PHACTR3: variants seen among roughly 807,000 people sequenced by gnomAD.
PHACTR3 encodes phosphatase and actin regulator 3.
A neutral mutation model predicts 66.8 loss-of-function variants in PHACTR3; 16 were observed. That is an observed-to-expected ratio of 0.24 (90% CI 0.16 to 0.36). The LOEUF (loss-of-function observed/expected upper bound fraction) is 0.36, where lower values mean the gene tolerates loss of function less well. Among genes scored for constraint, PHACTR3 ranks in the 10% least tolerant of loss-of-function variants. The pLI, the probability that PHACTR3 is intolerant of heterozygous loss-of-function variation, is 1.00. For synonymous variants in PHACTR3, 323 were observed against 292.1 expected, an observed-to-expected ratio of 1.11 and a Z score of -1.08; for missense variants, 647 against 719.9, an observed-to-expected ratio of 0.90 and a Z score of 1.16.
At chr20:59,789,630 C>A (rs1279162740) in intron 7 of PHACTR3, among the ~76,000 whole-genome samples, 1 of 152,220 alleles carries the variant, frequency 6.6e-6, no homozygotes, top group Non-Finnish European at 1.5e-5. Flanking sequence ...GATGGAGAAT[C>A]TTAGCAGAGA....
chr20:59,583,525 C>G (rs2032919493), intron 1 of PHACTR3, among the ~76,000 whole-genome samples: 1 of 152,212 alleles, frequency 6.6e-6, no homozygotes, highest in Non-Finnish European at 1.5e-5. Flanking sequence ...TGGCTGCTTT[C>G]CCAGGGCCGG....
intron 1 of PHACTR3, among the ~76,000 whole-genome samples, chr20:59,695,689 T>C (rs1205895509): frequency 1.4e-4 from 21 of 152,100 alleles, no homozygotes; most frequent in Admixed American, 1.4e-3. Flanking sequence ...AATTTCTGTT[T>C]AGAAAATGGG....
chr20:59,683,116 C>A (rs1350478693), intron 1 of PHACTR3, among the ~76,000 whole-genome samples: 1 of 152,070 alleles, frequency 6.6e-6, no homozygotes, highest in African/African-American at 2.4e-5. Context: ...GCTGAGGGAG[C>A]AGATGGGGAA....
rs538362715 is a variant in PHACTR3 at position 59,666,858 on chromosome 20, A to G, written c.118+61726A>G. On this transcript the variant is annotated intron_variant, in intron 1 of 12. Coordinates refer to ENST00000371015, the MANE Select transcript of PHACTR3 (RefSeq NM_080672.5). ...GTCCCATCACGCCCCTTCTGATCAA[A>G]CTGGTCTGAGTGGGCTTCTGGTCCT... 6.0e-4 allele frequency among the ~76,000 whole-genome samples: 92 copies of G among 152,328 alleles called. 1 individual carries two copies. In the South Asian group the frequency reaches 0.018, roughly 31 times the overall value.
chr20:59,606,974 T>G (rs1340978266), intron 1 of PHACTR3, among the ~76,000 whole-genome samples: 2 of 152,272 alleles, frequency 1.3e-5, no homozygotes, highest in East Asian at 3.9e-4. Flanking sequence ...ATTTATGGAT[T>G]GTGTGAAGCA....
intron 1 of PHACTR3, among the ~76,000 whole-genome samples, chr20:59,698,587 A>G (rs940948888): frequency 6.6e-6 from 1 of 152,206 alleles, no homozygotes; most frequent in African/African-American, 2.4e-5. Flanking sequence ...AATGTTACTC[A>G]AAGAAATTGG....
intron 1 of PHACTR3, among the ~76,000 whole-genome samples, chr20:59,587,839 C>T (rs545247377): frequency 9.9e-5 from 15 of 152,204 alleles, no homozygotes; most frequent in Non-Finnish European, 1.9e-4. Context: ...CTCACGTCTA[C>T]CTTCAAGGCC....
At chr20:59,636,839 G>A (rs2034916887) in intron 1 of PHACTR3, among the ~76,000 whole-genome samples, 1 of 152,206 alleles carries the variant, frequency 6.6e-6, no homozygotes, top group African/African-American at 2.4e-5. Context: ...CTAGAAGATA[G>A]TTGCTACCTG....
At chr20:59,836,640 C>A in intron 9 of PHACTR3, 80 bp downstream of exon 9, 1 of 1,394,448 alleles carries the variant, frequency 7.2e-7, no homozygotes, top group South Asian at 1.3e-5. Flanking sequence ...TCCCATAACC[C>A]AGCCCTTCTC....
intron 2 of PHACTR3, among the ~76,000 whole-genome samples, chr20:59,746,965 G>A (rs1306770044): frequency 1.3e-5 from 2 of 149,744 alleles, no homozygotes; most frequent in Non-Finnish European, 2.9e-5. Context: ...AAGGGTTGAG[G>A]TGGTTATGTA....
Position 59,773,320 on chromosome 20 carries a change from G to A in PHACTR3, c.793G>A (p.Asp265Asn), listed in dbSNP as rs1419182008. The A allele has an allele frequency of 1.1e-5, 18 of 1,613,984 alleles. No homozygotes were observed. The highest frequency in any genetic ancestry group is 4.4e-5 in the South Asian group (4 of 91,080). ...LFQASSMKSADPSLRGQLSTP... is the reference protein window; with the variant it reads ...LFQASSMKSANPSLRGQLSTP... Reference sequence around the variant, plus strand: ...CCAAGCCTCCAGCATGAAGAGTGCCGACCCTTCCCTCCGGGGCCAGCTCTC... The same window carrying A: ...CCAAGCCTCCAGCATGAAGAGTGCCAACCCTTCCCTCCGGGGCCAGCTCTC... The change falls in exon 6 of 13, where the codon GAC becomes AAC. Residue 265 changes from aspartate (D) to asparagine (N), a missense_variant. Asp to Asn is a conservative substitution (Grantham distance 23, BLOSUM62 1). Coordinates refer to ENST00000371015, the MANE Select transcript of PHACTR3 (RefSeq NM_080672.5).
chr20:59,805,930 G>T, intron 7 of PHACTR3, 111 bp from the exon 8 acceptor site: 1 of 1,181,780 alleles, frequency 8.5e-7, no homozygotes, highest in Non-Finnish European at 1.2e-6. Context: ...CATCACCCTG[G>T]TCTGGAGTCC....
intron 1 of PHACTR3, among the ~76,000 whole-genome samples, chr20:59,703,214 G>T (rs1289891746): frequency 7.9e-5 from 12 of 152,056 alleles, no homozygotes; most frequent in Non-Finnish European, 4.4e-5. Flanking sequence ...TTTCGGTATG[G>T]TGAATTATCT....
intron 7 of PHACTR3, among the ~76,000 whole-genome samples, chr20:59,779,098 G>C (rs1218568023): frequency 6.6e-6 from 1 of 152,208 alleles, no homozygotes; most frequent in Non-Finnish European, 1.5e-5. Flanking sequence ...CTTGTTGAGG[G>C]CTGGGCTCAT....
In PHACTR3 at chr20:59,679,413, A is replaced by G. The variant is rs146910955; in HGVS notation, c.119-63694A>G. ...TGCTGAAACAATAGGTGTTCATATT[A>G]TTCTAATTTCATACTATTTCTATTT... On this transcript the variant is annotated intron_variant, in intron 1 of 12. Coordinates refer to ENST00000371015, the MANE Select transcript of PHACTR3 (RefSeq NM_080672.5). Among the ~76,000 whole-genome samples the G allele has an allele frequency of 6.7e-3, 1,027 of 152,330 alleles. 6 individuals carry two copies. The highest frequency in any genetic ancestry group is 0.012 in the Non-Finnish European group (813 of 68,030).
chr20:59,687,308 T>A (rs1208021844), intron 1 of PHACTR3, among the ~76,000 whole-genome samples: 1 of 152,010 alleles, frequency 6.6e-6, no homozygotes, highest in African/African-American at 2.4e-5. Context: ...ATGGTGGTGG[T>A]GAATGTGACG....
Position 59,597,301 on chromosome 20 carries a change from G to T in PHACTR3, c.109+19684G>T, listed in dbSNP as rs537677819. 6.6e-5 allele frequency among the ~76,000 whole-genome samples: 10 copies of T among 152,360 alleles called. No individual in the cohort carries two copies. In the South Asian group the frequency reaches 1.9e-3, roughly 28 times the overall value. On this transcript the variant is annotated intron_variant, in intron 1 of 12. Transcript: ENST00000359926. ...AAGCTCTAGGCTCTATAAAAGTGCT[G>T]TCAGCATTAATCTTGTTACCTCCTC...
At position 59,825,664 on chromosome 20, in the gene PHACTR3, C is replaced by T. The variant is rs549681813; in HGVS notation, c.1329-10841C>T. Among the ~76,000 whole-genome samples the T allele has an allele frequency of 9.9e-5, 15 of 152,182 alleles. No homozygotes were observed. The South Asian group carries it at 2.7e-3, about 27-fold the overall frequency. On this transcript the variant is annotated intron_variant, in intron 8 of 12. Transcript: ENST00000371015. ...AGCCAGTTACTTCAGCTGGAGGAGT[C>T]GGGGTGGGCTTTCTGGAAGAAGAGG... is the stretch of plus-strand genomic sequence containing the variant.
chr20:59,641,505 T>C (rs1285727133), intron 1 of PHACTR3, among the ~76,000 whole-genome samples: 1 of 152,204 alleles, frequency 6.6e-6, no homozygotes, highest in Non-Finnish European at 1.5e-5. Flanking sequence ...GAGAATTCTT[T>C]CTTATTCCGT....
Sources: gnomAD v4.1 joint callset for allele counts (sites outside exome capture counted in the v4.1 genomes callset) on GRCh38, gnomAD v4.1.1 for gene constraint, MANE v1.5 for transcripts, NCBI Gene and HGNC (gene_info 2026-07-23, HGNC 2026-07-21) for gene names.